Variants in PRKCB observed in about 807,000 individuals in gnomAD.
The protein encoded by PRKCB is protein kinase C beta type.
PRKCB carries 13 observed loss-of-function variants against 81.5 expected under a neutral mutation model. That is an observed-to-expected ratio of 0.16 (90% CI 0.10 to 0.25). The LOEUF is 0.25. Among genes scored for constraint, PRKCB ranks in the 10% least tolerant of loss-of-function variants. The pLI, the probability that PRKCB is intolerant of heterozygous loss-of-function variation, is 1.00. For synonymous variants in PRKCB, 335 were observed against 321.4 expected (o/e 1.04, Z -0.45); for missense variants, 509 against 875.7 (o/e 0.58, Z 5.29).
chr16:24,091,819 G>T (rs943025558), intron 5 of PRKCB, among the ~76,000 whole-genome samples: 1 of 152,088 alleles, frequency 6.6e-6, no homozygotes, highest in African/African-American at 2.4e-5. Flanking sequence ...CACCATGTTA[G>T]CCTTATAGCC....
intron 3 of PRKCB, among the ~76,000 whole-genome samples, chr16:24,011,406 T>C (rs1455934266): frequency 6.6e-6 from 1 of 152,236 alleles, no homozygotes; most frequent in East Asian, 1.9e-4. Flanking sequence ...CTCAGGTTTG[T>C]GGCCTTGCAA....
At chr16:24,012,813 C>T (rs1160485352) in intron 3 of PRKCB, among the ~76,000 whole-genome samples, 3 of 152,248 alleles carry the variant, frequency 2.0e-5, no homozygotes, top group African/African-American at 7.2e-5. Flanking sequence ...GCTCTGGCGT[C>T]AGGGTCCCTC....
intron 9 of PRKCB, among the ~76,000 whole-genome samples, chr16:24,129,935 A>T (rs1415437608): frequency 1.3e-5 from 2 of 152,218 alleles, no homozygotes; most frequent in East Asian, 3.8e-4. Context: ...TGCATAATGA[A>T]CATCTATAAC....
chr16:24,017,132 C>T (rs1965290081), intron 3 of PRKCB, among the ~76,000 whole-genome samples: 1 of 152,044 alleles, frequency 6.6e-6, no homozygotes, highest in Non-Finnish European at 1.5e-5. Context: ...CCTCTAGATA[C>T]CAAGAGCTTA....
rs78155947 is a variant in PRKCB at position 24,146,527 on chromosome 16, G to C, written c.1066-8157G>C. ...CTTGTATGTGGCAAAACTTGGACAC[G>C]TACCAGGTTTTCTAACTCTAAAAGT... On this transcript the variant is annotated intron_variant, in intron 9 of 16. Transcript: ENST00000643927. Among the ~76,000 whole-genome samples the C allele has an allele frequency of 5.5e-3, 831 of 152,214 alleles. 6 individuals are homozygous for C. Among genetic ancestry groups the C allele is most frequent in the African/African-American group, 0.019 (804 of 41,516 alleles).
intron 3 of PRKCB, among the ~76,000 whole-genome samples, chr16:24,008,432 A>G (rs1370746834): frequency 4.6e-5 from 7 of 152,210 alleles, no homozygotes; most frequent in Non-Finnish European, 8.8e-5. Flanking sequence ...CTCTTCTAGG[A>G]GTTTAGAATT....
chr16:23,971,667 G>T (rs961340540), intron 2 of PRKCB, among the ~76,000 whole-genome samples: 1 of 152,062 alleles, frequency 6.6e-6, no homozygotes, highest in African/African-American at 2.4e-5. Flanking sequence ...CATCTCTCAG[G>T]GTTTCCTCTC....
chr16:24,120,585 A>G (rs2141925523), intron 8 of PRKCB, among the ~76,000 whole-genome samples: 1 of 152,222 alleles, frequency 6.6e-6, no homozygotes, highest in Non-Finnish European at 1.5e-5. Context: ...AACAACCAGC[A>G]TCCTGCCAGT....
intron 5 of PRKCB, among the ~76,000 whole-genome samples, chr16:24,053,978 T>A (rs1053495180): frequency 5.3e-5 from 8 of 152,154 alleles, no homozygotes; most frequent in African/African-American, 1.9e-4. Flanking sequence ...TTAAGTTTTA[T>A]TTATTTATTT....
intron 5 of PRKCB, among the ~76,000 whole-genome samples, chr16:24,081,589 G>A (rs1966249515): frequency 6.6e-6 from 1 of 152,086 alleles, no homozygotes; most frequent in Non-Finnish European, 1.5e-5. Context: ...AAAGGCATGT[G>A]GGGCTCGGCT....
chr16:24,029,289 T>G (rs1430832724), intron 3 of PRKCB, among the ~76,000 whole-genome samples: 6 of 152,202 alleles, frequency 3.9e-5, no homozygotes, highest in African/African-American at 1.4e-4. Flanking sequence ...AATCCACACA[T>G]GTCAAGGGAG....
chr16:24,213,087 T>C (rs929060927), intron 16 of PRKCB, among the ~76,000 whole-genome samples: 2 of 151,962 alleles, frequency 1.3e-5, no homozygotes, highest in African/African-American at 2.4e-5. Context: ...CAGGCTGGAG[T>C]GCAGTGGCGC....
intron 2 of PRKCB, among the ~76,000 whole-genome samples, chr16:23,985,308 G>A (rs1298343557): frequency 2.6e-5 from 4 of 152,214 alleles, no homozygotes; most frequent in African/African-American, 4.8e-5. Context: ...TGTTGGCCAG[G>A]CTGGTCTCGA....
At chr16:23,907,595 G>A (rs1222947483) in intron 2 of PRKCB, among the ~76,000 whole-genome samples, 1 of 152,082 alleles carries the variant, frequency 6.6e-6, no homozygotes, top group Non-Finnish European at 1.5e-5. Context: ...ATGCATGTGA[G>A]GCCCTTTCTT....
chr16:23,961,821 C>T lies in PRKCB; in HGVS notation c.206-26687C>T, dbSNP rs1222629099. Among the ~76,000 whole-genome samples the T allele has an allele frequency of 2.0e-5, 3 of 152,212 alleles. No individual in the cohort carries two copies. The East Asian group carries it at 5.8e-4, about 29-fold the overall frequency. On this transcript the variant is annotated intron_variant, in intron 2 of 16. Transcript: ENST00000643927. Reference sequence around the variant, plus strand: ...CTTTCCTTGGAGCATCATGTCAGTGCTCAAAAGGTTTTGGGTTTTGGAGCA... The same window carrying T: ...CTTTCCTTGGAGCATCATGTCAGTGTTCAAAAGGTTTTGGGTTTTGGAGCA...
chr16:23,839,567 C>G (rs1325697434), intron 2 of PRKCB, among the ~76,000 whole-genome samples: 3 of 152,106 alleles, frequency 2.0e-5, no homozygotes, highest in Non-Finnish European at 4.4e-5. Context: ...GCCACTATGC[C>G]CCTCTGGAGT....
intron 5 of PRKCB, among the ~76,000 whole-genome samples, chr16:24,077,495 A>G (rs892435411): frequency 1.3e-5 from 2 of 150,976 alleles, no homozygotes; most frequent in Non-Finnish European, 3.0e-5. Context: ...CTCTCCATCC[A>G]TCCATCCATC....
chr16:24,184,610 G>C (rs1967675360), intron 13 of PRKCB, among the ~76,000 whole-genome samples: 1 of 152,084 alleles, frequency 6.6e-6, no homozygotes, highest in Non-Finnish European at 1.5e-5. Flanking sequence ...TCTTAATAAA[G>C]GATTATGGGT....
rs535034178 is a variant in PRKCB at position 23,924,237 on chromosome 16, G to T, written c.206-64271G>T. ...TCTCTCTCCCGTAGCCATGTGAGAA[G>T]GTCCAAGCTTGCTTCCCCTTCGCCT... On this transcript the variant is annotated intron_variant, in intron 2 of 16. Coordinates refer to ENST00000643927, the MANE Select transcript of PRKCB (RefSeq NM_002738.7). 1.3e-3 allele frequency among the ~76,000 whole-genome samples: 200 copies of T among 152,154 alleles called. 1 individual carries two copies. The highest frequency in any genetic ancestry group is 1.5e-3 in the Non-Finnish European group (101 of 67,958).
Sources: gnomAD v4.1 joint callset for allele counts (sites outside exome capture counted in the v4.1 genomes callset) on GRCh38, gnomAD v4.1.1 for gene constraint, MANE v1.5 for transcripts, NCBI Gene and HGNC (gene_info 2026-07-23, HGNC 2026-07-21) for gene names.